FER1L6: variants seen among roughly 807,000 people sequenced by gnomAD.
FER1L6 encodes fer-1 like family member 6.
In FER1L6, 177 loss-of-function variants were observed where a neutral mutation model predicts 219.2. The observed-to-expected ratio is 0.81, with a 90% confidence interval of 0.71 to 0.91. FER1L6 has a LOEUF of 0.91. FER1L6 is among the 40% of genes least tolerant of loss of function. The pLI, the probability that FER1L6 is intolerant of heterozygous loss-of-function variation, is 0.00. For missense variants in FER1L6, 2,153 were observed against 2,259.9 expected (o/e 0.95, Z 0.96); for synonymous variants, 768 against 824.3 (o/e 0.93, Z 1.17).
intron 1 of FER1L6, among the ~76,000 whole-genome samples, chr8:123,896,930 C>T (rs1317202523): frequency 1.3e-5 from 2 of 152,174 alleles, no homozygotes; most frequent in Non-Finnish European, 2.9e-5. Flanking sequence ...CCCATCTTGG[C>T]TCCTCCTCAA....
chr8:123,957,836 T>G (rs1815088774), intron 2 of FER1L6, among the ~76,000 whole-genome samples: 1 of 152,060 alleles, frequency 6.6e-6, no homozygotes, highest in Admixed American at 6.5e-5. Context: ...ATCAGGGCCC[T>G]CCTAGAAAGT....
Position 123,980,455 on chromosome 8 carries a change from G to A in FER1L6, c.1064-10G>A. ...CATAATGAGATAACTAAAACCTGGG[G>A]TCTCTCTAGGCTTTCTGCCCACCTT... is the stretch of plus-strand genomic sequence containing the variant. On this transcript the variant is annotated splice_polypyrimidine_tract_variant and intron_variant, in intron 10 of 40. Transcript: ENST00000522917. The A allele has an allele frequency of 6.4e-7, 1 of 1,572,394 alleles. No individual in the cohort carries two copies. The highest frequency in any genetic ancestry group is 8.6e-7 in the Non-Finnish European group (1 of 1,161,030).
intron 33 of FER1L6, among the ~76,000 whole-genome samples, chr8:124,090,857 A>G (rs1481690298): frequency 1.3e-5 from 2 of 152,162 alleles, no homozygotes; most frequent in Non-Finnish European, 2.9e-5. Context: ...TGGGGTAGGG[A>G]GAAGGGAGGG....
At chr8:123,989,333 A>G (rs1282430889) in intron 12 of FER1L6, among the ~76,000 whole-genome samples, 3 of 152,164 alleles carry the variant, frequency 2.0e-5, no homozygotes, top group African/African-American at 7.2e-5. Flanking sequence ...CTGGCCTTGT[A>G]GAATGAGTTT....
intron 10 of FER1L6, among the ~76,000 whole-genome samples, chr8:123,978,725 A>C (rs1371507321): frequency 6.6e-6 from 1 of 152,178 alleles, no homozygotes; most frequent in Non-Finnish European, 1.5e-5. Flanking sequence ...TAATTATTTT[A>C]ATTTTTTACT....
At chr8:124,050,832 T>G (rs949510221) in intron 22 of FER1L6, among the ~76,000 whole-genome samples, 8 of 152,030 alleles carry the variant, frequency 5.3e-5, no homozygotes, top group African/African-American at 1.2e-4. Flanking sequence ...ATGACCTCAT[T>G]ACTTCCTAAA....
intron 18 of FER1L6, among the ~76,000 whole-genome samples, chr8:124,030,833 G>A (rs544907531): frequency 6.6e-6 from 1 of 152,214 alleles, no homozygotes; most frequent in South Asian, 2.1e-4. Context: ...CACAGTTCAT[G>A]TGAGTTACTA....
intron 1 of FER1L6, among the ~76,000 whole-genome samples, chr8:123,899,696 A>T (rs1414910840): frequency 1.3e-5 from 2 of 152,068 alleles, no homozygotes; most frequent in Non-Finnish European, 2.9e-5. Flanking sequence ...AGAGATGAGG[A>T]TCCAGTTTTA....
chr8:124,033,754 T>A (rs1363698960), intron 18 of FER1L6, among the ~76,000 whole-genome samples: 1 of 152,224 alleles, frequency 6.6e-6, no homozygotes, highest in Admixed American at 6.5e-5. Flanking sequence ...CCAACTAAAG[T>A]GCCCATTAAA....
intron 13 of FER1L6, among the ~76,000 whole-genome samples, chr8:124,010,249 C>T (rs575973040): frequency 4.6e-5 from 7 of 152,110 alleles, no homozygotes; most frequent in African/African-American, 9.6e-5. Flanking sequence ...AGCTGCAGAC[C>T]GAGGCAGCAA....
At position 124,076,338 on chromosome 8, in the gene FER1L6, C is replaced by T. The variant is rs1353231287; in HGVS notation, c.4220+13C>T. On this transcript the variant is annotated intron_variant, in intron 32 of 40. Coordinates refer to ENST00000522917, the MANE Select transcript of FER1L6 (RefSeq NM_001039112.2). ...CAGTATTTGGAAGGTCAGTGGCCAT[C>T]TGGGCTGTGTTTTATTGTCCTTTCT... The T allele has an allele frequency of 3.7e-6, 6 of 1,611,428 alleles. No homozygotes were observed. In the African/African-American group the frequency reaches 8.0e-5, roughly 22 times the overall value.
At chr8:123,961,781 T>C (rs1815289225) in intron 2 of FER1L6, among the ~76,000 whole-genome samples, 2 of 152,204 alleles carry the variant, frequency 1.3e-5, no homozygotes, top group African/African-American at 4.8e-5. Flanking sequence ...AGGCCCTATA[T>C]GTAAAAAGAT....
intron 1 of FER1L6, among the ~76,000 whole-genome samples, chr8:123,854,839 C>T (rs1397714469): frequency 6.6e-6 from 1 of 152,086 alleles, no homozygotes; most frequent in Non-Finnish European, 1.5e-5. Context: ...CCTGGCACTG[C>T]GTTTATTCTT....
At chr8:124,017,814 G>A in intron 16 of FER1L6, 96 bp downstream of exon 16, 1 of 921,732 alleles carries the variant, frequency 1.1e-6, no homozygotes, top group Non-Finnish European at 1.7e-6. Context: ...GAGGTTTAAA[G>A]GTCATACATT....
At chr8:124,107,526 T>C (rs1360220984) in intron 39 of FER1L6, among the ~76,000 whole-genome samples, 1 of 152,150 alleles carries the variant, frequency 6.6e-6, no homozygotes, top group Non-Finnish European at 1.5e-5. Flanking sequence ...GTAGAAGCAT[T>C]TGAGCTTATG....
chr8:123,909,782 CTGT>C (rs1813019529), intron 1 of FER1L6, among the ~76,000 whole-genome samples: 1 of 150,728 alleles, frequency 6.6e-6, no homozygotes, highest in Non-Finnish European at 1.5e-5. Context: ...GATGATGTAG[CTGT>C]CCTTGTCAAC....
chr8:123,871,581 AAAAT>A (rs1159692573), intron 1 of FER1L6, among the ~76,000 whole-genome samples: 3 of 152,210 alleles, frequency 2.0e-5, no homozygotes, highest in African/African-American at 7.2e-5. Context: ...TCCAAAGTAT[AAAAT>A]AAATATCCAA....
chr8:124,038,620 C>G (rs1051678047), intron 19 of FER1L6, among the ~76,000 whole-genome samples: 5 of 152,154 alleles, frequency 3.3e-5, no homozygotes, highest in African/African-American at 1.2e-4. Context: ...CTGAGCCCTT[C>G]AGTTCTCTTC....
In FER1L6 at chr8:123,867,865, C is replaced by T. The variant is rs539542161; in HGVS notation, c.-8+15680C>T. 2.3e-4 allele frequency among the ~76,000 whole-genome samples: 35 copies of T among 152,342 alleles called. 1 individual carries two copies. The South Asian group carries it at 7.1e-3, about 31-fold the overall frequency. ...AATGCCCACCAGTGGGGTCCACTCT[C>T]ATTACCAGCATCCAGATCAAGATGC... is the stretch of plus-strand genomic sequence containing the variant. On this transcript the variant is annotated intron_variant, in intron 1 of 40. Coordinates refer to ENST00000522917, the MANE Select transcript of FER1L6 (RefSeq NM_001039112.2).
Sources: allele counts gnomAD v4.1 joint callset (sites outside exome capture counted in the v4.1 genomes callset), GRCh38; gene constraint gnomAD v4.1.1; transcripts MANE v1.5; gene names NCBI Gene and HGNC (gene_info 2026-07-23, HGNC 2026-07-21).